Variants in DOT1L observed in about 807,000 individuals in gnomAD.
DOT1L encodes the protein histone-lysine N-methyltransferase, H3 lysine-79 specific.
A neutral mutation model predicts 153.3 loss-of-function variants in DOT1L; 33 were observed. The ratio of observed to expected loss-of-function variants is 0.22; its 90% CI spans 0.16 to 0.29. The LOEUF (loss-of-function observed/expected upper bound fraction) is 0.29. Among genes scored for constraint, DOT1L ranks in the 10% least tolerant of loss-of-function variants. DOT1L has a pLI of 1.00. For synonymous variants in DOT1L, 1,135 were observed against 965.1 expected (o/e 1.18, Z -3.26); for missense variants, 1,847 against 2,119.9 (o/e 0.87, Z 2.53).
rs1459270375 is a variant in DOT1L, at chr19:2,217,891, G to A, written c.2664G>A (p.Val888=). The change falls in exon 22 of 28, where the codon GTG becomes GTA. Residue 888 remains valine (V), a synonymous_variant. Coordinates refer to ENST00000398665, the MANE Select transcript of DOT1L (RefSeq NM_032482.3). The surrounding 1 kb of genome is among the most constrained non-coding windows in gnomAD (Gnocchi z 7.3). ...CGGTCAGCATTCCCCTGGCCAGCGTGGTGCTGCCCAGCCGCGCCGAGAGGG... is the reference window on the plus strand; with the variant it reads ...CGGTCAGCATTCCCCTGGCCAGCGTAGTGCTGCCCAGCCGCGCCGAGAGGG... ...KLPVSIPLAS[V]VLPSRAERAR... The A allele has an allele frequency of 1.2e-6, 2 of 1,612,258 alleles. No individual in the cohort carries two copies. The highest frequency in any genetic ancestry group is 4.5e-5 in the East Asian group (2 of 44,858).
At chr19:2,224,344 C>T (rs2024241595) in intron 25 of DOT1L, among the ~76,000 whole-genome samples, 1 of 152,220 alleles carries the variant, frequency 6.6e-6, no homozygotes, top group Admixed American at 6.5e-5. Context: ...ACCCTGCCAC[C>T]ATGGGTGCAC....
At chr19:2,228,046 C>T (rs1186179621) in intron 27 of DOT1L, 1 of 1,306,034 alleles carries the variant, frequency 7.7e-7, no homozygotes, top group Non-Finnish European at 1.0e-6. Context: ...GCCTCTAACC[C>T]TGAGCCCGCG....
chr19:2,179,583 G>A (rs1568331924), intron 1 of DOT1L, among the ~76,000 whole-genome samples: 1 of 152,290 alleles, frequency 6.6e-6, no homozygotes, highest in East Asian at 1.9e-4. Context: ...TGAGGTGGGC[G>A]GATCACCTGA....
chr19:2,203,408 T>C (rs1309819076), intron 9 of DOT1L, among the ~76,000 whole-genome samples: 5 of 152,204 alleles, frequency 3.3e-5, no homozygotes, highest in Non-Finnish European at 7.3e-5. Context: ...AGCCCTGGAA[T>C]CTTCTTGAGT....
intron 8 of DOT1L, among the ~76,000 whole-genome samples, chr19:2,200,396 G>A (rs369960988): frequency 2.2e-4 from 34 of 152,268 alleles, no homozygotes; most frequent in African/African-American, 7.7e-4. Flanking sequence ...TTGCCCCTCC[G>A]CGCCACCTCG....
intron 1 of DOT1L, among the ~76,000 whole-genome samples, chr19:2,168,510 C>G (rs77769171): frequency 3.3e-5 from 5 of 152,092 alleles, no homozygotes; most frequent in African/African-American, 2.4e-5. Flanking sequence ...ATGAGCAGTT[C>G]GGAAGGGGTT....
intron 1 of DOT1L, among the ~76,000 whole-genome samples, chr19:2,177,727 T>C (rs1370897391): frequency 6.6e-6 from 1 of 151,712 alleles, no homozygotes; most frequent in African/African-American, 2.4e-5. Context: ...TGCTCTCCGC[T>C]CTGCCCAGCC....
At chr19:2,203,669 C>T (rs1198710282) in intron 9 of DOT1L, among the ~76,000 whole-genome samples, 1 of 152,206 alleles carries the variant, frequency 6.6e-6, no homozygotes, top group Non-Finnish European at 1.5e-5. Flanking sequence ...GTCCTGCAGT[C>T]GAGGGTGGTA....
rs2024634348 is a variant in DOT1L at position 2,232,257 on chromosome 19, C to T, written c.*2465C>T. On this transcript the variant is annotated 3_prime_UTR_variant, in exon 28 of 28. Coordinates refer to ENST00000398665, the MANE Select transcript of DOT1L (RefSeq NM_032482.3). ...CCCCCTCCTCGGCCCATGAGGCACG[C>T]ACAGTGACTTATTTAAGACTTCCCC... is the stretch of plus-strand genomic sequence containing the variant. 5 of 218,382 alleles carry T rather than the reference C, an allele frequency of 2.3e-5. No homozygotes were observed. The highest frequency in any genetic ancestry group is 4.6e-5 in the Non-Finnish European group (5 of 108,902). 13.5% of individuals were successfully genotyped at this position (218,382 alleles called of 1,614,324 possible). A position where few individuals can be genotyped will look rare whatever the true frequency, so the allele number is the denominator to read the frequency against.
chr19:2,229,891 C>A lies in DOT1L; in HGVS notation c.*99C>A. ...GGCCTGCCGGGCTCCCACCCCTGGA[C>A]GGCAGAGGCAAGGACGGACGGGAGC... On this transcript the variant is annotated 3_prime_UTR_variant, in exon 28 of 28. Coordinates refer to ENST00000398665, the MANE Select transcript of DOT1L (RefSeq NM_032482.3). The A allele has an allele frequency of 1.2e-6, 2 of 1,606,294 alleles. No individual in the cohort carries two copies. The highest frequency in any genetic ancestry group is 1.7e-6 in the Non-Finnish European group (2 of 1,176,958).
intron 3 of DOT1L, among the ~76,000 whole-genome samples, chr19:2,188,899 T>C: frequency 6.6e-6 from 1 of 152,152 alleles, no homozygotes; most frequent in East Asian, 1.9e-4. Context: ...GCGTGGCCGG[T>C]GTTTCTTGTG....
Position 2,226,586 on chromosome 19 carries a change from G to T in DOT1L, c.4065G>T (p.Ser1355=). Residue 1355 remains serine (S), a synonymous_variant, in exon 27 of 28, where the codon TCG becomes TCT. Transcript: ENST00000398665. ...TGAGCTCCCCGCTGAGCTTCCCCTC[G>T]CAGCGCGGCAAGGAGGGCTCGGACG... The part of the protein sequence containing the change: ...AGLSSPLSFP[S]QRGKEGSDAN... 1.3e-6 allele frequency: 2 copies of T among 1,599,492 alleles called. No individual in the cohort carries two copies.
At chr19:2,184,981 A>G (rs1469858453) in intron 2 of DOT1L, among the ~76,000 whole-genome samples, 4 of 152,076 alleles carry the variant, frequency 2.6e-5, no homozygotes, top group Non-Finnish European at 5.9e-5. Context: ...TGGTGTCAAG[A>G]TGACGCTGGC....
chr19:2,210,336 C>G, intron 12 of DOT1L, 64 bp from the exon 13 acceptor site: 2 of 1,387,912 alleles, frequency 1.4e-6, no homozygotes, highest in Non-Finnish European at 9.5e-7. Context: ...CCGCGTGCCT[C>G]TCGGTGCAGG....
intron 2 of DOT1L, among the ~76,000 whole-genome samples, 189 bp downstream of exon 2, chr19:2,180,945 G>A (rs1234696505): frequency 9.2e-5 from 14 of 152,192 alleles, no homozygotes; most frequent in Non-Finnish European, 2.9e-5. Context: ...TGGCCAGTGG[G>A]TGCAGAAGTC....
chr19:2,206,255 G>C (rs2023486142), intron 9 of DOT1L, among the ~76,000 whole-genome samples: 1 of 152,086 alleles, frequency 6.6e-6, no homozygotes, highest in Non-Finnish European at 1.5e-5. Flanking sequence ...CAAAGTGCTG[G>C]GATTACAGGC....
chr19:2,167,647 C>A (rs766228009), intron 1 of DOT1L, among the ~76,000 whole-genome samples: 1 of 152,210 alleles, frequency 6.6e-6, no homozygotes, highest in Non-Finnish European at 1.5e-5. Flanking sequence ...ACAACCTCGC[C>A]GTGACATTTG....
rs372725711 is a variant in DOT1L at position 2,220,271 on chromosome 19, C to T, written c.2806+49C>T. The T allele has an allele frequency of 2.8e-5, 44 of 1,552,404 alleles. No individual in the cohort carries two copies. The African/African-American group carries it at 5.7e-4, about 20-fold the overall frequency. ...CCTCAGGACTCTGCTGCTGCTGCTG[C>T]TCTTCAGGCAGGAGGGCTGGGTTGC... On this transcript the variant is annotated intron_variant, in intron 23 of 27. Coordinates refer to ENST00000398665, the MANE Select transcript of DOT1L (RefSeq NM_032482.3). This position sits in a 1 kb window ranked among gnomAD's most constrained non-coding sequence, Gnocchi z 4.5.
chr19:2,191,417 C>G lies in DOT1L; in HGVS notation c.493+177C>G, dbSNP rs769148491. ...GGCCGTTCCTTTCCCCAGCCCTGAC[C>G]GGGCTCCACCCAGAGGGGAGAAATC... On this transcript the variant is annotated intron_variant, in intron 5 of 27. Coordinates refer to ENST00000398665, the MANE Select transcript of DOT1L (RefSeq NM_032482.3). This position sits in a 1 kb window ranked among gnomAD's most constrained non-coding sequence, Gnocchi z 6.8. The G allele has an allele frequency of 3.0e-5, 20 of 668,436 alleles. No homozygotes were observed. The highest frequency in any genetic ancestry group is 4.8e-5 in the Non-Finnish European group (19 of 392,920). 41.4% of individuals were successfully genotyped at this position (668,436 alleles called of 1,614,324 possible).
Sources: gnomAD v4.1 joint callset for allele counts (sites outside exome capture counted in the v4.1 genomes callset) on GRCh38, gnomAD v4.1.1 for gene constraint, Gnocchi (gnomAD v3.1) non-coding constraint, MANE v1.5 for transcripts, NCBI Gene and HGNC (gene_info 2026-07-23, HGNC 2026-07-21) for gene names.